AREL1: variants seen among roughly 807,000 people sequenced by gnomAD.
The protein encoded by AREL1 is apoptosis resistant E3 ubiquitin protein ligase 1, also known as apoptosis-resistant E3 ubiquitin protein ligase 1.
In AREL1, 62 loss-of-function variants were observed where a neutral mutation model predicts 99.0. That is an observed-to-expected ratio of 0.63 (90% confidence interval 0.51 to 0.77). The LOEUF is 0.77. Among genes scored for constraint, AREL1 ranks in the 30% least tolerant of loss-of-function variants. The pLI, the probability that AREL1 is intolerant of heterozygous loss-of-function variation, is 0.00. For synonymous variants in AREL1, 380 were observed against 376.5 expected (o/e 1.01, Z -0.11); for missense variants, 879 against 1,027.6 (o/e 0.86, Z 1.98).
chr14:74,689,012 A>T (rs1465543806), intron 2 of AREL1, among the ~76,000 whole-genome samples: 10 of 131,948 alleles, frequency 7.6e-5, no homozygotes, highest in Non-Finnish European at 1.3e-4. Context: ...AATTTTTTGT[A>T]TTTTTTTTTT....
intron 15 of AREL1, 47 bp downstream of exon 15, chr14:74,669,602 A>C: frequency 6.3e-7 from 1 of 1,597,762 alleles, no homozygotes; most frequent in African/African-American, 1.3e-5. Flanking sequence ...CCTGCTCTAC[A>C]GGAAACTGGA....
chr14:74,693,126 G>A (rs560274091), intron 1 of AREL1, among the ~76,000 whole-genome samples: 11 of 152,172 alleles, frequency 7.2e-5, no homozygotes, highest in Admixed American at 5.2e-4. Context: ...TGAGATGAAC[G>A]CACAGCCAGA....
intron 5 of AREL1, among the ~76,000 whole-genome samples, chr14:74,677,610 G>A (rs2089521470): frequency 7.2e-6 from 1 of 138,368 alleles, no homozygotes; most frequent in African/African-American, 2.7e-5. Flanking sequence ...GGGTTCAAGC[G>A]ATTCTCCTGC....
chr14:74,668,177 A>G (rs182847903), intron 15 of AREL1, among the ~76,000 whole-genome samples: 9 of 152,366 alleles, frequency 5.9e-5, no homozygotes, highest in African/African-American at 2.2e-4. Flanking sequence ...TTTGGCCTGA[A>G]CTTTCCTCTC....
intron 1 of AREL1, among the ~76,000 whole-genome samples, chr14:74,695,279 C>G (rs922929091): frequency 1.3e-5 from 2 of 151,750 alleles, no homozygotes; most frequent in Non-Finnish European, 2.9e-5. Flanking sequence ...AGGGTTTCAC[C>G]ACGTTGGCCA....
chr14:74,670,883 A>G lies in AREL1; in HGVS notation c.1499-12T>C, dbSNP rs1164838557. 1.9e-6 allele frequency: 3 copies of G among 1,612,270 alleles called. No homozygotes were observed. ...TCCCCAGTCCAGAGCTGAAAAGCAT[A>G]ATGAAAATAAAAAATGACTCTGCCC... is the stretch of plus-strand genomic sequence containing the variant. On this transcript the variant is annotated splice_polypyrimidine_tract_variant and intron_variant, in intron 12 of 19. Transcript: ENST00000356357.
Position 74,669,895 on chromosome 14 carries a change from T to C in AREL1, c.1788+52A>G, listed in dbSNP as rs2089292709. 2.5e-6 allele frequency: 4 copies of C among 1,580,944 alleles called. No individual in the cohort carries two copies. The East Asian group carries it at 9.0e-5, about 36-fold the overall frequency. On this transcript the variant is annotated intron_variant, in intron 14 of 19. Coordinates refer to ENST00000356357, the MANE Select transcript of AREL1 (RefSeq NM_001039479.2). Reference sequence around the variant, plus strand: ...ATTTACAAGCCCAGGAGGAGAGATTTCAGGGTTAATGGCCAGGGGCCTTAG... The same window carrying C: ...ATTTACAAGCCCAGGAGGAGAGATTCCAGGGTTAATGGCCAGGGGCCTTAG...
intron 1 of AREL1, among the ~76,000 whole-genome samples, chr14:74,705,591 T>A (rs186114939): frequency 1.3e-5 from 2 of 151,846 alleles, no homozygotes; most frequent in East Asian, 3.9e-4. Context: ...TTAACGAGAG[T>A]CTTTTATAAG....
In AREL1 at chr14:74,692,194, C is replaced by T. The variant is rs761729718; in HGVS notation, c.-199G>A. 1.5e-4 allele frequency: 68 copies of T among 454,444 alleles called. 1 individual carries two copies. Among genetic ancestry groups the T allele is most frequent in the South Asian group, 1.0e-3 (66 of 64,014 alleles). The allele number at this position is 454,444 out of a possible 1,614,324, so 28.2% of individuals were successfully genotyped here. A position where few individuals can be genotyped will look rare whatever the true frequency, so the allele number is the denominator to read the frequency against. ...AAAGGGTCTATCCATCAGACTTTGT[C>T]ACAGTAATCAGGTCAGTGTTTCTGG... is the stretch of plus-strand genomic sequence containing the variant. On this transcript the variant is annotated 5_prime_UTR_variant, in exon 2 of 20. Coordinates refer to ENST00000356357, the MANE Select transcript of AREL1 (RefSeq NM_001039479.2).
At chr14:74,670,569 T>C (rs1274525436) in intron 13 of AREL1, 193 bp downstream of exon 13, 1 of 545,582 alleles carries the variant, frequency 1.8e-6, no homozygotes, top group African/African-American at 1.9e-5. Context: ...GCCTGCATTT[T>C]TGCTTATTTT....
intron 2 of AREL1, among the ~76,000 whole-genome samples, chr14:74,687,569 A>C (rs1490186869): frequency 6.6e-6 from 1 of 152,204 alleles, no homozygotes; most frequent in African/African-American, 2.4e-5. Flanking sequence ...CTCTAGAGTT[A>C]GATTACCTGG....
intron 1 of AREL1, among the ~76,000 whole-genome samples, chr14:74,702,680 C>T (rs947935713): frequency 6.6e-6 from 1 of 152,150 alleles, no homozygotes; most frequent in Non-Finnish European, 1.5e-5. Flanking sequence ...TTGAATTTCT[C>T]CTCAAAAAAT....
At chr14:74,689,015 T>C (rs958876966) in intron 2 of AREL1, among the ~76,000 whole-genome samples, 3 of 150,342 alleles carry the variant, frequency 2.0e-5, no homozygotes, top group African/African-American at 7.3e-5. Context: ...TTTTTGTATT[T>C]TTTTTTTTTT....
chr14:74,685,395 C>T (rs562288491), intron 3 of AREL1, among the ~76,000 whole-genome samples: 3 of 152,302 alleles, frequency 2.0e-5, no homozygotes, highest in Non-Finnish European at 4.4e-5. Context: ...TTAGACTCCA[C>T]AGTAAACAGT....
At chr14:74,699,790 T>C (rs6574189) in intron 1 of AREL1, among the ~76,000 whole-genome samples, 48,356 of 152,110 alleles carry the variant, frequency 0.32, 9,111 homozygotes, top group African/African-American at 0.53. Context: ...TTGCTGTAAA[T>C]TTCTCTTCAG....
chr14:74,679,902 T>A (rs1340695017), intron 5 of AREL1, among the ~76,000 whole-genome samples: 1 of 150,328 alleles, frequency 6.7e-6, no homozygotes, highest in Non-Finnish European at 1.5e-5. Flanking sequence ...AAGGGCCAGG[T>A]GTGGTGGCTC....
chr14:74,664,905 T>C lies in AREL1; in HGVS notation c.2124A>G (p.Gly708=). The change falls in exon 18 of 20, where the codon GGA becomes GGG. Residue 708 remains glycine, a synonymous_variant. Transcript: ENST00000356357. ...CTTTGAAGTCAGACACACTGATGTC[T>C]CCAGTCCCACACATCAGCAGCTGGA... ...NELELLMCGT[G]DISVSDFKAH... 2 of 1,613,680 alleles carry C rather than the reference T, an allele frequency of 1.2e-6. No individual in the cohort carries two copies. The highest frequency in any genetic ancestry group is 1.7e-6 in the Non-Finnish European group (2 of 1,179,704).
chr14:74,672,845 C>T lies in AREL1; in HGVS notation c.1408G>A (p.Ala470Thr). 5.0e-6 allele frequency: 8 copies of T among 1,614,206 alleles called. No homozygotes were observed. Among genetic ancestry groups the T allele is most frequent in the East Asian group, 4.5e-5 (2 of 44,892 alleles). The change falls in exon 11 of 20, where the codon GCC becomes ACC. Residue 470 changes from alanine to threonine, a missense_variant. Physicochemically the swap from Ala to Thr is moderately conservative, Grantham distance 58 (BLOSUM62 0). Transcript: ENST00000356357. ...SKVTLKVSRH[A>T]LLESSLKATR... ...ATTTTACCTACCGATTCCAACAAGG[C>T]ATGTCTGCTGACCTTCAGGGTGACT...
At chr14:74,672,166 A>G (rs917566574) in intron 11 of AREL1, 3 of 295,220 alleles carry the variant, frequency 1.0e-5, no homozygotes, top group Non-Finnish European at 2.1e-5. Flanking sequence ...AATAACAAGA[A>G]GTTTCTTCTG....
Sources: allele counts gnomAD v4.1 joint callset (sites outside exome capture counted in the v4.1 genomes callset), GRCh38; gene constraint gnomAD v4.1.1; transcripts MANE v1.5; gene names NCBI Gene and HGNC (gene_info 2026-07-23, HGNC 2026-07-21).